PRPF18: variants seen among roughly 807,000 people sequenced by gnomAD.
The protein encoded by PRPF18 is pre-mRNA-splicing factor 18.
In PRPF18, 38 loss-of-function variants were observed where a neutral mutation model predicts 46.5. That is an observed-to-expected ratio of 0.82 (90% CI 0.63 to 1.07). The LOEUF (loss-of-function observed/expected upper bound fraction) is 1.07. Ranked by LOEUF, PRPF18 falls within the 50% of genes least tolerant of loss-of-function variation. The pLI is 0.00. For synonymous variants in PRPF18, 152 were observed against 146.7 expected (o/e 1.04, Z -0.26); for missense variants, 263 against 410.0 (o/e 0.64, Z 3.10).
chr10:13,597,316 C>G lies in PRPF18; in HGVS notation c.67-142C>G, dbSNP rs1001240981. On this transcript the variant is annotated intron_variant, in intron 1 of 9. Coordinates refer to ENST00000378572, the MANE Select transcript of PRPF18 (RefSeq NM_003675.4). ...GCTTGGGGAATCAATGTATTCATCTCTGGAACCAAAAAATATTTATTTTAT... is the reference window on the plus strand; with the variant it reads ...GCTTGGGGAATCAATGTATTCATCTGTGGAACCAAAAAATATTTATTTTAT... 42 of 612,238 alleles carry G rather than the reference C, an allele frequency of 6.9e-5. No homozygotes were observed. The African/African-American group carries it at 7.3e-4, about 11-fold the overall frequency. The allele number at this position is 612,238 out of a possible 1,614,324, so 37.9% of individuals were successfully genotyped here. A position where few individuals can be genotyped will look rare whatever the true frequency, so the allele number is the denominator to read the frequency against.
intron 3 of PRPF18, among the ~76,000 whole-genome samples, chr10:13,600,978 A>C (rs1365160832): frequency 6.6e-6 from 1 of 152,014 alleles, no homozygotes; most frequent in African/African-American, 2.4e-5. Flanking sequence ...ATGGGGTTTC[A>C]TCATGTTGGC....
chr10:13,618,619 A>G (rs1197342880), intron 9 of PRPF18, among the ~76,000 whole-genome samples: 2 of 146,392 alleles, frequency 1.4e-5, no homozygotes. Context: ...CCCTGTCAAA[A>G]AAAAAAAAAA....
At chr10:13,638,534 C>G in the PRPF18 span, 1 of 151,966 alleles carries the variant, frequency 6.6e-6, no homozygotes, top group African/African-American at 2.4e-5. Context: ...GTGTAGCTCC[C>G]GTCTGAATCC....
At chr10:13,619,536 A>G (rs998785843) in intron 9 of PRPF18, among the ~76,000 whole-genome samples, 1 of 152,140 alleles carries the variant, frequency 6.6e-6, no homozygotes, top group Non-Finnish European at 1.5e-5. Flanking sequence ...CCTAGAGGCC[A>G]TTGCTTAAAC....
chr10:13,587,897 CG>C (rs1176642418), intron 1 of PRPF18, among the ~76,000 whole-genome samples: 8 of 152,208 alleles, frequency 5.3e-5, no homozygotes, highest in African/African-American at 1.9e-4. Flanking sequence ...CTTACACTCA[CG>C]GCCTTCTTTC....
intron 2 of PRPF18, among the ~76,000 whole-genome samples, chr10:13,599,478 A>G (rs899255354): frequency 5.9e-5 from 9 of 152,304 alleles, no homozygotes; most frequent in African/African-American, 2.2e-4. Context: ...ACGTTTCAGT[A>G]TCTTTTTTAT....
At chr10:13,655,826 T>G in the PRPF18 span, 1 of 152,328 alleles carries the variant, frequency 6.6e-6, no homozygotes, top group African/African-American at 2.4e-5. Context: ...AGTGTCCCTC[T>G]CTGAGTGGTA....
the PRPF18 span, among the ~76,000 whole-genome samples, chr10:13,648,928 AAAG>A: frequency 6.6e-6 from 1 of 152,156 alleles, no homozygotes; most frequent in Admixed American, 6.5e-5. Flanking sequence ...GAGGGGAAAA[AAAG>A]CTTCCATGGA....
At chr10:13,638,991 C>T in the PRPF18 span, 12 of 152,314 alleles carry the variant, frequency 7.9e-5, no homozygotes, top group Admixed American at 6.5e-4. Context: ...ACTCAAACTT[C>T]TTGACCTTCA....
At position 13,616,530 on chromosome 10, in the gene PRPF18, G is replaced by A; in HGVS notation, c.925G>A (p.Glu309Lys). The change falls in exon 9 of 10, where the codon GAA becomes AAA. Residue 309 changes from glutamate to lysine, a missense_variant. Glu to Lys is a moderately conservative substitution (Grantham distance 56, BLOSUM62 1). Around this residue, in one of 4 missense-constraint regions of PRPF18, gnomAD observed 17 missense variants for 74.2 expected, o/e 0.23. Transcript: ENST00000378572. ...GCATGTTGCACATGTTTTAAATGACGAAACTCAGCGGAAATATATTCAGGT... is the reference window on the plus strand; with the variant it reads ...GCATGTTGCACATGTTTTAAATGACAAAACTCAGCGGAAATATATTCAGGT... ...SKHVAHVLNDETQRKYIQGLK... is the reference protein window; with the variant it reads ...SKHVAHVLNDKTQRKYIQGLK... 6.2e-7 allele frequency: 1 copy of A among 1,614,044 alleles called. No homozygotes were observed. The highest frequency in any genetic ancestry group is 8.5e-7 in the Non-Finnish European group (1 of 1,179,974).
chr10:13,605,761 A>C lies in PRPF18; in HGVS notation c.363+17A>C. The C allele has an allele frequency of 6.2e-7, 1 of 1,601,030 alleles. No homozygotes were observed. The highest frequency in any genetic ancestry group is 8.5e-7 in the Non-Finnish European group (1 of 1,175,748). Reference sequence around the variant, plus strand: ...GTTAACAAGGTAAGAGGACAGAACAAAGCTAGAAAAATACCACTGTACTGC... The same window carrying C: ...GTTAACAAGGTAAGAGGACAGAACACAGCTAGAAAAATACCACTGTACTGC... On this transcript the variant is annotated intron_variant, in intron 4 of 9. Transcript: ENST00000378572.
At chr10:13,618,865 T>C (rs1382528721) in intron 9 of PRPF18, among the ~76,000 whole-genome samples, 1 of 152,148 alleles carries the variant, frequency 6.6e-6, no homozygotes, top group South Asian at 2.1e-4. Context: ...TTCCTAGTCC[T>C]CGAGAAAGGA....
intron 3 of PRPF18, 42 bp from the exon 4 acceptor site, chr10:13,605,589 A>AG: frequency 2.0e-6 from 3 of 1,529,320 alleles, no homozygotes; most frequent in African/African-American, 2.8e-5. Context: ...CAAAAAAAAA[A>AG]AAAAAAAAAA....
At chr10:13,587,673 AC>A (rs1277584799) in intron 1 of PRPF18, among the ~76,000 whole-genome samples, 3 of 152,188 alleles carry the variant, frequency 2.0e-5, no homozygotes, top group Admixed American at 2.0e-4. Context: ...TCATCCAGAT[AC>A]GGGGTAGCTG....
At chr10:13,651,792 C>T in the PRPF18 span, 5 of 708,748 alleles carry the variant, frequency 7.1e-6, no homozygotes, top group East Asian at 1.3e-4. Flanking sequence ...AGAAATAAGG[C>T]ATAAATACAG....
chr10:13,600,117 C>A, intron 2 of PRPF18, 127 bp from the exon 3 acceptor site: 2 of 712,764 alleles, frequency 2.8e-6, no homozygotes, highest in Non-Finnish European at 4.4e-6. Context: ...GAGCTCTTTG[C>A]TCAGAGGAAT....
At chr10:13,591,430 TATTTA>T (rs2079959822) in intron 1 of PRPF18, 2 of 499,666 alleles carry the variant, frequency 4.0e-6, no homozygotes, top group African/African-American at 3.9e-5. Flanking sequence ...TGTTATCAGT[TATTTA>T]ATTAGGTTCT....
At chr10:13,636,128 C>A in the PRPF18 span, among the ~76,000 whole-genome samples, 1 of 152,090 alleles carries the variant, frequency 6.6e-6, no homozygotes, top group Non-Finnish European at 1.5e-5. Flanking sequence ...AGTTAAAGTA[C>A]GAGATAGGTT....
intron 9 of PRPF18, among the ~76,000 whole-genome samples, chr10:13,629,894 C>T (rs1046553187): frequency 5.3e-5 from 8 of 152,184 alleles, no homozygotes; most frequent in Admixed American, 5.2e-4. Flanking sequence ...GAGCTTAATT[C>T]TCTATTGGAA....
Sources: gnomAD v4.1 joint callset for allele counts (sites outside exome capture counted in the v4.1 genomes callset) on GRCh38, gnomAD v4.1.1 for gene constraint, gnomAD v4.1.1 regional missense constraint, MANE v1.5 for transcripts, NCBI Gene and HGNC (gene_info 2026-07-23, HGNC 2026-07-21) for gene names.